Variants in ZNF710 observed in about 807,000 individuals in gnomAD.
ZNF710 encodes zinc finger protein 710.
A neutral mutation model predicts 50.6 loss-of-function variants in ZNF710; 13 were observed. The ratio of observed to expected loss-of-function variants is 0.26; its 90% CI spans 0.17 to 0.41. The LOEUF is 0.41. ZNF710 is among the 10% of genes least tolerant of loss of function. The pLI, the probability that ZNF710 is intolerant of heterozygous loss-of-function variation, is 1.00. For synonymous variants in ZNF710, 383 were observed against 397.0 expected (o/e 0.96, Z 0.42); for missense variants, 721 against 936.6 (o/e 0.77, Z 3.01).
At chr15:90,079,541 C>G in intron 4 of ZNF710, 119 bp from the exon 5 acceptor site, 2 of 1,286,040 alleles carry the variant, frequency 1.6e-6, no homozygotes, top group Admixed American at 4.9e-5. Context: ...GCAGCTGAGA[C>G]TCCTGGAGGC....
chr15:90,054,348 T>C (rs28557389), intron 1 of ZNF710, among the ~76,000 whole-genome samples: 1 of 151,636 alleles, frequency 6.6e-6, no homozygotes, highest in African/African-American at 2.4e-5. Context: ...CTGAGGCGAG[T>C]CTTGGTGAGG....
intron 1 of ZNF710, among the ~76,000 whole-genome samples, chr15:90,023,125 CT>C (rs1395646475): frequency 6.6e-6 from 1 of 152,162 alleles, no homozygotes; most frequent in Non-Finnish European, 1.5e-5. Flanking sequence ...AAGGTGGCTG[CT>C]TTCCCAAGGC....
intron 1 of ZNF710, among the ~76,000 whole-genome samples, chr15:90,042,836 C>T (rs918085261): frequency 9.9e-5 from 15 of 152,232 alleles, no homozygotes; most frequent in African/African-American, 3.6e-4. Flanking sequence ...CAGGTTAGGG[C>T]ACGTATATTG....
In ZNF710 at chr15:90,003,059, A is replaced by T. The variant is rs375950890; in HGVS notation, c.-29+1445A>T. On this transcript the variant is annotated intron_variant, in intron 1 of 4. Coordinates refer to ENST00000268154, the MANE Select transcript of ZNF710 (RefSeq NM_198526.4). ...CGTTTAATTTTTAATTATTTTTAGG[A>T]GAGACGGGGTTTCACCATATTGGCC... Among the ~76,000 whole-genome samples, 15 of 152,216 alleles carry T rather than the reference A, an allele frequency of 9.9e-5. No homozygotes were observed. In the East Asian group the frequency reaches 2.9e-3, roughly 29 times the overall value.
In ZNF710 at chr15:90,040,246, G is replaced by T. The variant is rs1325821691; in HGVS notation, c.-28-26864G>T. Among the ~76,000 whole-genome samples the T allele has an allele frequency of 6.6e-6, 1 of 152,192 alleles. No homozygotes were observed. The highest frequency in any genetic ancestry group is 1.5e-5 in the Non-Finnish European group (1 of 68,030). ...CGTAGATCATACCGCCTTTGTTGAGGAAGTCGTGTCTGAGGATCTGGTCCC... is the reference window on the plus strand; with the variant it reads ...CGTAGATCATACCGCCTTTGTTGAGTAAGTCGTGTCTGAGGATCTGGTCCC... On this transcript the variant is annotated intron_variant, in intron 1 of 4. Transcript: ENST00000268154. This position sits in a 1 kb window ranked among gnomAD's most constrained non-coding sequence, Gnocchi z 4.6.
At position 90,001,415 on chromosome 15, in the gene ZNF710, C is replaced by CGAGAGAGCGAGCGAGAGGAGGGGG. The variant is rs1898006389; in HGVS notation, c.-220_-197dup. ...CTTCCAGGGAGGGAGAGAGCGCGAG[C>CGAGAGAGCGAGCGAGAGGAGGGGG]GAGAGAGCGAGCGAGAGGAGGGGGG... On this transcript the variant is annotated 5_prime_UTR_variant, in exon 1 of 5. Transcript: ENST00000268154. 1 of 151,458 alleles carries CGAGAGAGCGAGCGAGAGGAGGGGG rather than the reference C, an allele frequency of 6.6e-6. No individual in the cohort carries two copies. The highest frequency in any genetic ancestry group is 6.6e-5 in the Admixed American group (1 of 15,234). The allele number at this position is 151,458 out of a possible 1,614,324, so 9.4% of individuals were successfully genotyped here. A position where few individuals can be genotyped will look rare whatever the true frequency, so the allele number is the denominator to read the frequency against.
chr15:90,005,055 C>A (rs976087174), intron 1 of ZNF710, among the ~76,000 whole-genome samples: 10 of 152,268 alleles, frequency 6.6e-5, no homozygotes, highest in African/African-American at 2.4e-4. Context: ...TAGGATTGGT[C>A]AGGAGAGAAG....
rs974189680 is a variant in ZNF710 at position 90,034,632 on chromosome 15, C to T, written c.-28-32478C>T. Among the ~76,000 whole-genome samples, 2 of 152,126 alleles carry T rather than the reference C, an allele frequency of 1.3e-5. No individual in the cohort carries two copies. The highest frequency in any genetic ancestry group is 1.9e-4 in the East Asian group (1 of 5,180). ...TGGCTGAGCCTCCTCCGGCCTCTGCCTCACCCGCCAGCTCTTCTCACCCCT... is the reference window on the plus strand; with the variant it reads ...TGGCTGAGCCTCCTCCGGCCTCTGCTTCACCCGCCAGCTCTTCTCACCCCT... On this transcript the variant is annotated intron_variant, in intron 1 of 4. Transcript: ENST00000268154. This position sits in a 1 kb window ranked among gnomAD's most constrained non-coding sequence, Gnocchi z 4.0.
At chr15:90,009,782 C>T (rs1214853515) in intron 1 of ZNF710, among the ~76,000 whole-genome samples, 1 of 152,012 alleles carries the variant, frequency 6.6e-6, no homozygotes. Flanking sequence ...CTTCCTCTCT[C>T]CCCCTCTTCT....
intron 1 of ZNF710, among the ~76,000 whole-genome samples, chr15:90,007,265 C>T (rs117794318): frequency 2.0e-5 from 3 of 152,126 alleles, no homozygotes; most frequent in South Asian, 2.1e-4. Context: ...GAACCTAAAA[C>T]GGGGAGAGAG....
At position 90,064,892 on chromosome 15, in the gene ZNF710, C is replaced by T. The variant is rs114869531; in HGVS notation, c.-28-2218C>T. On this transcript the variant is annotated intron_variant, in intron 1 of 4. Transcript: ENST00000268154. ...CAACCCTTCCATGGGTGAGTGTTTTCATCCCCGTTTTTCAGATAGGGAAAC... is the reference window on the plus strand; with the variant it reads ...CAACCCTTCCATGGGTGAGTGTTTTTATCCCCGTTTTTCAGATAGGGAAAC... Among the ~76,000 whole-genome samples, 751 of 152,262 alleles carry T rather than the reference C, an allele frequency of 4.9e-3. 5 individuals carry two copies. Among genetic ancestry groups the T allele is most frequent in the African/African-American group, 0.016 (682 of 41,512 alleles).
At chr15:90,018,984 A>T in intron 1 of ZNF710, among the ~76,000 whole-genome samples, 1 of 143,140 alleles carries the variant, frequency 7.0e-6, no homozygotes, top group East Asian at 1.9e-4. Context: ...TGTTTTTTAG[A>T]AAATAGCTTT....
intron 1 of ZNF710, among the ~76,000 whole-genome samples, chr15:90,057,653 T>C (rs1250107743): frequency 6.6e-6 from 1 of 150,914 alleles, no homozygotes; most frequent in Non-Finnish European, 1.5e-5. Flanking sequence ...GCTGAGATCA[T>C]GCCACTGCAC....
chr15:90,030,605 G>A (rs1898911111), intron 1 of ZNF710, among the ~76,000 whole-genome samples: 1 of 152,166 alleles, frequency 6.6e-6, no homozygotes, highest in South Asian at 2.1e-4. Flanking sequence ...TGGGGGAGGG[G>A]GCACCAAGCA....
intron 1 of ZNF710, among the ~76,000 whole-genome samples, chr15:90,006,439 T>C (rs1898143196): frequency 6.6e-6 from 1 of 152,192 alleles, no homozygotes; most frequent in African/African-American, 2.4e-5. Context: ...TCCTCATTCA[T>C]TGGCAGTCTG....
Position 90,062,400 on chromosome 15 carries a change from C to T in ZNF710, c.-28-4710C>T, listed in dbSNP as rs902090004. Among the ~76,000 whole-genome samples, 3 of 152,160 alleles carry T rather than the reference C, an allele frequency of 2.0e-5. No homozygotes were observed. The highest frequency in any genetic ancestry group is 6.5e-5 in the Admixed American group (1 of 15,284). On this transcript the variant is annotated intron_variant, in intron 1 of 4. Transcript: ENST00000268154. The surrounding 1 kb of genome is among the most constrained non-coding windows in gnomAD (Gnocchi z 5.6). ...CAGCCAGTGGTCGCCCCTCATCTTG[C>T]CAGCCTGGGGCAGTCTGAGCTCCCC...
Position 90,034,428 on chromosome 15 carries a change from CTGTGTGTGTGTGTGTGTGTGTG to C in ZNF710, c.-28-32656_-28-32635del, listed in dbSNP as rs398028304. On this transcript the variant is annotated intron_variant, in intron 1 of 4. Coordinates refer to ENST00000268154, the MANE Select transcript of ZNF710 (RefSeq NM_198526.4). This position sits in a 1 kb window ranked among gnomAD's most constrained non-coding sequence, Gnocchi z 4.0. ...AGCTGTCCTTCCTGTTTCCAAATTC[CTGTGTGTGTGTGTGTGTGTGTG>C]TGTGTGTGTGTGTGTGTGTGTGTGT... Among the ~76,000 whole-genome samples, 153 of 136,278 alleles carry C rather than the reference CTGTGTGTGTGTGTGTGTGTGTG, an allele frequency of 1.1e-3. 1 individual carries two copies. The highest frequency in any genetic ancestry group is 1.6e-3 in the African/African-American group (61 of 37,790). 89.4% of individuals were successfully genotyped at this position (136,278 alleles called of 152,430 possible).
chr15:90,004,490 G>T (rs1260056975), intron 1 of ZNF710, among the ~76,000 whole-genome samples: 1 of 152,180 alleles, frequency 6.6e-6, no homozygotes, highest in East Asian at 1.9e-4. Flanking sequence ...GGCCTAGCCC[G>T]CGGCAGGACT....
intron 1 of ZNF710, among the ~76,000 whole-genome samples, chr15:90,052,847 C>T (rs550322141): frequency 6.6e-6 from 1 of 152,154 alleles, no homozygotes; most frequent in African/African-American, 2.4e-5. Context: ...GCAGGGGAAT[C>T]GCTTGAACCG....
Sources: allele counts gnomAD v4.1 joint callset (sites outside exome capture counted in the v4.1 genomes callset), GRCh38; gene constraint gnomAD v4.1.1; non-coding constraint Gnocchi (gnomAD v3.1); transcripts MANE v1.5; gene names NCBI Gene and HGNC (gene_info 2026-07-23, HGNC 2026-07-21).